Variants in CSMD1 observed in about 807,000 individuals in gnomAD.
The protein encoded by CSMD1 is CUB and sushi domain-containing protein 1.
CSMD1 carries 213 observed loss-of-function variants against 417.5 expected under a neutral mutation model. The ratio of observed to expected loss-of-function variants is 0.51; its 90% CI spans 0.46 to 0.57. The LOEUF is 0.57. CSMD1 is among the 20% of genes least tolerant of loss of function. The pLI, the probability that CSMD1 is intolerant of heterozygous loss-of-function variation, is 0.00. For synonymous variants in CSMD1, 2,862 were observed against 1,736.8 expected (o/e 1.65, Z -16.11); for missense variants, 6,923 against 4,529.7 (o/e 1.53, Z -15.17).
chr8:3,015,295 A>G (rs1052200803), intron 52 of CSMD1, among the ~76,000 whole-genome samples: 3 of 152,090 alleles, frequency 2.0e-5, no homozygotes, highest in Non-Finnish European at 4.4e-5. Context: ...ATGTCCTGGG[A>G]CAGTTGCTTT....
In CSMD1 at chr8:3,873,827, G is replaced by C. The variant is rs187485970; in HGVS notation, c.819-119785C>G. 2.2e-3 allele frequency among the ~76,000 whole-genome samples: 329 copies of C among 152,314 alleles called. 2 individuals carry two copies. Among genetic ancestry groups the C allele is most frequent in the African/African-American group, 7.8e-3 (323 of 41,570 alleles). Reference sequence around the variant, plus strand: ...AAAGAAAAGCACACATGGTCACGGTGTTTGTAGTTTCTGGATGTTAGGAAC... The same window carrying C: ...AAAGAAAAGCACACATGGTCACGGTCTTTGTAGTTTCTGGATGTTAGGAAC... On this transcript the variant is annotated intron_variant, in intron 5 of 69. Transcript: ENST00000635120.
chr8:4,051,013 G>A (rs1468197632), intron 3 of CSMD1, among the ~76,000 whole-genome samples: 1 of 152,048 alleles, frequency 6.6e-6, no homozygotes, highest in East Asian at 1.9e-4. Flanking sequence ...AAGGAGGAAG[G>A]AGCCAGAAAA....
intron 5 of CSMD1, among the ~76,000 whole-genome samples, chr8:3,813,100 T>G (rs532083619): frequency 2.0e-5 from 3 of 151,972 alleles, no homozygotes; most frequent in Non-Finnish European, 2.9e-5. Context: ...AGTTTTTTTT[T>G]TTTTTTTTTT....
At chr8:3,631,660 A>T (rs1428033739) in intron 7 of CSMD1, among the ~76,000 whole-genome samples, 1 of 152,242 alleles carries the variant, frequency 6.6e-6, no homozygotes, top group African/African-American at 2.4e-5. Context: ...AGTCCAGCTC[A>T]GGTGGAATAA....
chr8:3,102,597 A>G (rs1466205852), intron 46 of CSMD1, among the ~76,000 whole-genome samples: 1 of 152,174 alleles, frequency 6.6e-6, no homozygotes, highest in Non-Finnish European at 1.5e-5. Flanking sequence ...ATGCATCTTT[A>G]GGGGATCATG....
At chr8:3,763,310 T>A (rs1584959770) in intron 5 of CSMD1, among the ~76,000 whole-genome samples, 1 of 152,164 alleles carries the variant, frequency 6.6e-6, no homozygotes. Flanking sequence ...TTGCCGGTAT[T>A]GGAGGTGGGG....
At chr8:3,633,200 C>G (rs188255502) in intron 7 of CSMD1, among the ~76,000 whole-genome samples, 12 of 152,302 alleles carry the variant, frequency 7.9e-5, no homozygotes, top group African/African-American at 2.6e-4. Flanking sequence ...TCTCACAGAA[C>G]TCAAATAAAA....
rs1479844911 is a variant in CSMD1, at chr8:3,795,089, A to T, written c.819-41047T>A. 1.9e-5 allele frequency among the ~76,000 whole-genome samples: 2 copies of T among 104,666 alleles called. 1 individual carries two copies. Among genetic ancestry groups the T allele is most frequent in the Non-Finnish European group, 4.1e-5 (2 of 49,156 alleles). The allele number at this position is 104,666 out of a possible 152,430, so 68.7% of individuals were successfully genotyped here. The stretch of plus-strand genomic sequence containing the variant: ...ATATATCTATCATGTACAGCTATAG[A>T]TATATATCTATCATGTACAGCTATA... On this transcript the variant is annotated intron_variant, in intron 5 of 69. Transcript: ENST00000635120.
chr8:4,424,225 A>G (rs981372538), intron 2 of CSMD1, among the ~76,000 whole-genome samples: 2 of 152,052 alleles, frequency 1.3e-5, no homozygotes, highest in African/African-American at 4.8e-5. Flanking sequence ...TTTGGCTGCA[A>G]AAGACCGCAT....
intron 3 of CSMD1, among the ~76,000 whole-genome samples, chr8:4,093,641 G>C (rs957236811): frequency 6.6e-6 from 1 of 152,088 alleles, no homozygotes; most frequent in African/African-American, 2.4e-5. Flanking sequence ...CTATGATTGA[G>C]AGGAGAAAGT....
At chr8:3,018,686 G>C (rs756112581) in intron 51 of CSMD1, 36 bp from the exon 52 acceptor site, 1 of 1,580,448 alleles carries the variant, frequency 6.3e-7, no homozygotes, top group Non-Finnish European at 8.7e-7. Flanking sequence ...CATCAATTCA[G>C]TTATGCAGAT....
At chr8:3,511,302 C>A (rs1797056767) in intron 10 of CSMD1, among the ~76,000 whole-genome samples, 1 of 151,556 alleles carries the variant, frequency 6.6e-6, no homozygotes. Flanking sequence ...ATGGATACAG[C>A]AAACCACAAT....
chr8:3,800,819 A>T (rs1800414317), intron 5 of CSMD1, among the ~76,000 whole-genome samples: 1 of 151,976 alleles, frequency 6.6e-6, no homozygotes, highest in Non-Finnish European at 1.5e-5. Context: ...TTCCCCTTTG[A>T]CCTTCTTCAT....
rs1797335509 is a variant in CSMD1 at position 3,517,607 on chromosome 8, A to G, written c.1345-23881T>C. ...AATACCAAATACAGGCTGAGGGAAT[A>G]ATATTTACTATACGATTTTTTTGGG... On this transcript the variant is annotated intron_variant, in intron 10 of 69. Transcript: ENST00000635120. Among the ~76,000 whole-genome samples the G allele has an allele frequency of 2.0e-5, 3 of 152,222 alleles. No homozygotes were observed. The South Asian group carries it at 6.2e-4, about 32-fold the overall frequency.
intron 1 of CSMD1, among the ~76,000 whole-genome samples, chr8:4,658,367 T>C (rs1318958868): frequency 1.3e-5 from 2 of 152,128 alleles, no homozygotes; most frequent in African/African-American, 4.8e-5. Context: ...AAGTAACTTA[T>C]TATACACAAC....
chr8:4,752,835 T>A (rs887795768), intron 1 of CSMD1, among the ~76,000 whole-genome samples: 2 of 152,128 alleles, frequency 1.3e-5, no homozygotes, highest in African/African-American at 4.8e-5. Flanking sequence ...GCAAAGTTCC[T>A]GAAATAACAA....
intron 18 of CSMD1, 138 bp downstream of exon 18, chr8:3,387,356 G>C (rs1811068303): frequency 3.2e-6 from 2 of 620,752 alleles, no homozygotes; most frequent in Non-Finnish European, 5.6e-6. Flanking sequence ...ATACGATGAT[G>C]GTATACAACT....
intron 49 of CSMD1, among the ~76,000 whole-genome samples, chr8:3,065,351 T>G (rs1289254488): frequency 1.3e-5 from 2 of 151,744 alleles, no homozygotes. Context: ...GATAGATACA[T>G]AGATAAGTGG....
chr8:3,447,663 T>G (rs1815385522), intron 12 of CSMD1, among the ~76,000 whole-genome samples: 1 of 152,222 alleles, frequency 6.6e-6, no homozygotes, highest in African/African-American at 2.4e-5. Context: ...CTGCTTTATT[T>G]CTCCTGGTTG....
Sources: allele counts gnomAD v4.1 joint callset (sites outside exome capture counted in the v4.1 genomes callset), GRCh38; gene constraint gnomAD v4.1.1; transcripts MANE v1.5; gene names NCBI Gene and HGNC (gene_info 2026-07-23, HGNC 2026-07-21).